RAD52: variants seen among roughly 807,000 people sequenced by gnomAD.
The protein encoded by RAD52 is RAD52 DNA repair protein, also known as DNA repair protein RAD52 homolog.
Under a neutral mutation model 55.5 loss-of-function variants are expected in RAD52, and 47 were observed. The observed-to-expected ratio is 0.85, with a 90% CI of 0.67 to 1.08. The LOEUF is 1.08. Among genes scored for constraint, RAD52 ranks in the 50% least tolerant of loss-of-function variants. RAD52 has a pLI of 0.00. For synonymous variants in RAD52, 184 were observed against 198.9 expected (o/e 0.92, Z 0.63); for missense variants, 468 against 522.8 (o/e 0.90, Z 1.02).
At chr12:960,256 G>C (rs1461117948) in intron 1 of RAD52, among the ~76,000 whole-genome samples, 2 of 152,200 alleles carry the variant, frequency 1.3e-5, no homozygotes, top group Non-Finnish European at 2.9e-5. Flanking sequence ...GCTTAGTGAA[G>C]TTGGAAAGAA....
At chr12:975,399 A>G (rs1958922935) in intron 1 of RAD52, 1 of 152,220 alleles carries the variant, frequency 6.6e-6, no homozygotes, top group Admixed American at 6.6e-5. Flanking sequence ...GTATATGGCT[A>G]AACAATGACC....
At chr12:980,771 G>A (rs1959004116) in intron 1 of RAD52, among the ~76,000 whole-genome samples, 1 of 152,022 alleles carries the variant, frequency 6.6e-6, no homozygotes, top group African/African-American at 2.4e-5. Context: ...GCGCCTGGGT[G>A]CCTTTTCACT....
At chr12:940,909 T>C (rs1319741496) in intron 1 of RAD52, among the ~76,000 whole-genome samples, 3 of 151,874 alleles carry the variant, frequency 2.0e-5, no homozygotes, top group Non-Finnish European at 4.4e-5. Flanking sequence ...TGTGGGCTAA[T>C]ATCAAAATGT....
intron 1 of RAD52, among the ~76,000 whole-genome samples, chr12:968,908 T>C (rs1958804382): frequency 1.3e-5 from 2 of 151,500 alleles, no homozygotes; most frequent in Non-Finnish European, 2.9e-5. Context: ...TTGGTGAGTA[T>C]ACACACACAC....
At chr12:947,189 G>A (rs1958276857) in intron 1 of RAD52, among the ~76,000 whole-genome samples, 1 of 151,646 alleles carries the variant, frequency 6.6e-6, no homozygotes, top group Non-Finnish European at 1.5e-5. Flanking sequence ...AGCCGGGTGT[G>A]GTGGTGCACA....
chr12:951,256 G>T (rs1374924593), upstream of RAD52, among the ~76,000 whole-genome samples: 1 of 152,020 alleles, frequency 6.6e-6, no homozygotes, highest in Non-Finnish European at 1.5e-5. Context: ...GGGACTACAA[G>T]CATATGTCAC....
intron 1 of RAD52, among the ~76,000 whole-genome samples, chr12:946,994 A>G (rs1958263080): frequency 1.3e-5 from 2 of 152,110 alleles, no homozygotes; most frequent in Admixed American, 6.6e-5. Flanking sequence ...ACGATAATTA[A>G]CGGCCTGGTA....
Position 913,454 on chromosome 12 carries a change from T to C in RAD52, c.1196-2A>G, listed in dbSNP as rs1192062380. The C allele has an allele frequency of 3.1e-6, 5 of 1,595,960 alleles. No homozygotes were observed. Among genetic ancestry groups the C allele is most frequent in the Non-Finnish European group, 4.3e-6 (5 of 1,164,602 alleles). ...TCTTCCTATGAGATTCCCAGTTTCC[T>C]ATGGAAGACAAAATGGCTTAAATGT... On this transcript the variant is annotated splice_acceptor_variant, in intron 11 of 11. Coordinates refer to ENST00000358495, the MANE Select transcript of RAD52 (RefSeq NM_134424.4). LOFTEE classifies it high-confidence loss of function.
rs530083308 is a variant in RAD52 at position 933,059 on chromosome 12, C to T, written c.-1G>A. The T allele has an allele frequency of 2.5e-6, 4 of 1,610,388 alleles. No homozygotes were observed. Among genetic ancestry groups the T allele is most frequent in the Admixed American group, 3.3e-5 (2 of 59,974 alleles). On this transcript the variant is annotated 5_prime_UTR_variant, in exon 2 of 12. Transcript: ENST00000358495. ...GAATTGCTTCCTCAGTCCCAGACAT[C>T]TTGATTCTGGTTGACCTCTATATAA...
rs766789173 is a variant in RAD52 at position 913,988 on chromosome 12, C to G, written c.1101G>C (p.Gln367His). ...GGCAAACGCTGTGTGGAGTCCTGTT[C>G]TGGGTCACCATCTGGTTGTTCAAGG... ...TLALNNQMVT[Q>H]NRTPHSVCHQ... The change falls in exon 11 of 12, where the codon CAG (glutamine) becomes CAC (histidine). Residue 367 changes from glutamine (Q) to histidine (H), a missense_variant. By Grantham distance (24) the Gln-to-His change is conservative. Transcript: ENST00000358495. The G allele has an allele frequency of 4.3e-6, 7 of 1,614,054 alleles. No individual in the cohort carries two copies. Among genetic ancestry groups the G allele is most frequent in the East Asian group, 2.2e-5 (1 of 44,884 alleles).
chr12:976,070 A>C (rs1193976291), intron 1 of RAD52: 1 of 152,286 alleles, frequency 6.6e-6, no homozygotes, highest in Non-Finnish European at 1.5e-5. Context: ...CTGTAATCCC[A>C]GCACTTTGGG....
At chr12:935,302 G>T (rs1369970263) in intron 1 of RAD52, among the ~76,000 whole-genome samples, 1 of 150,722 alleles carries the variant, frequency 6.6e-6, no homozygotes, top group Non-Finnish European at 1.5e-5. Context: ...AGAGCAGGAG[G>T]CCCCAACATT....
At chr12:954,981 G>C (rs1958584782) in intron 1 of RAD52, among the ~76,000 whole-genome samples, 1 of 152,188 alleles carries the variant, frequency 6.6e-6, no homozygotes, top group African/African-American at 2.4e-5. Flanking sequence ...GGATTGGGTT[G>C]CATGCCCATT....
upstream of RAD52, among the ~76,000 whole-genome samples, chr12:953,379 G>T (rs1211817678): frequency 6.6e-6 from 1 of 152,132 alleles, no homozygotes; most frequent in African/African-American, 2.4e-5. Context: ...TGGAGGCAGA[G>T]ATTGCAGTCA....
intron 1 of RAD52, among the ~76,000 whole-genome samples, chr12:947,335 A>C (rs948242719): frequency 2.0e-5 from 3 of 149,890 alleles, no homozygotes; most frequent in African/African-American, 7.4e-5. Context: ...CCCCCAAAAA[A>C]ACAACAGACA....
chr12:987,399 G>A (rs1246816193), intron 1 of RAD52, among the ~76,000 whole-genome samples: 1 of 151,734 alleles, frequency 6.6e-6, no homozygotes, highest in Non-Finnish European at 1.5e-5. Flanking sequence ...TGCACTAGTG[G>A]ATTCTTTCAG....
chr12:915,385 G>C (rs1230863601), intron 9 of RAD52, among the ~76,000 whole-genome samples: 1 of 152,176 alleles, frequency 6.6e-6, no homozygotes, highest in Admixed American at 6.5e-5. Context: ...GTGCTGAGGG[G>C]CATATGAATG....
At chr12:961,309 C>CAA (rs60547688) in intron 1 of RAD52, among the ~76,000 whole-genome samples, 493 of 33,494 alleles carry the variant, frequency 0.015, 21 homozygotes, top group African/African-American at 0.035. Context: ...GACTCCATCT[C>CAA]AAAAAAAAAA....
intron 7 of RAD52, among the ~76,000 whole-genome samples, chr12:922,191 T>TAAAAAAA (rs79763100): frequency 2.4e-5 from 2 of 81,690 alleles, no homozygotes; most frequent in African/African-American, 5.3e-5. Context: ...TAGGTTGGCT[T>TAAAAAAA]AAAAAAAAAA....
Sources: gnomAD v4.1 joint callset for allele counts (sites outside exome capture counted in the v4.1 genomes callset) on GRCh38, gnomAD v4.1.1 for gene constraint, MANE v1.5 for transcripts, NCBI Gene and HGNC (gene_info 2026-07-23, HGNC 2026-07-21) for gene names.